Variants in IRS1 observed in about 807,000 individuals in gnomAD.
IRS1 encodes insulin receptor substrate 1.
Under a neutral mutation model 65.6 loss-of-function variants are expected in IRS1, and 34 were observed. The ratio of observed to expected loss-of-function variants is 0.52; its 90% confidence interval spans 0.39 to 0.69. IRS1 has a LOEUF of 0.69. Ranked by LOEUF, IRS1 falls within the 30% of genes least tolerant of loss-of-function variation. The pLI is 0.00. For synonymous variants in IRS1, 699 were observed against 683.5 expected (o/e 1.02, Z -0.35); for missense variants, 1,641 against 1,720.2 (o/e 0.95, Z 0.81).
rs1363643456 is a variant in IRS1 at position 226,734,586 on chromosome 2, T to G, written c.*1686A>C. 6.6e-6 allele frequency: 1 copy of G among 152,104 alleles called. No individual in the cohort carries two copies. The highest frequency in any genetic ancestry group is 1.5e-5 in the Non-Finnish European group (1 of 68,034). 9.4% of individuals were successfully genotyped at this position (152,104 alleles called of 1,614,324 possible). On this transcript the variant is annotated 3_prime_UTR_variant, in exon 2 of 2. Transcript: ENST00000305123. ...TAGTCCCCACTCCCACCCAGGGAGC[T>G]TAGGCGTTCAGAGAAATAAAATGTT...
chr2:226,780,549 T>C (rs1212937092), intron 1 of IRS1, among the ~76,000 whole-genome samples: 2 of 152,128 alleles, frequency 1.3e-5, no homozygotes. Flanking sequence ...ACAATTAACA[T>C]CAGAAGAACT....
chr2:226,791,627 C>T (rs1165780314), intron 1 of IRS1, among the ~76,000 whole-genome samples: 1 of 151,698 alleles, frequency 6.6e-6, no homozygotes, highest in African/African-American at 2.4e-5. Flanking sequence ...CAGAAAGCGG[C>T]CCAGGGACGC....
intron 1 of IRS1, among the ~76,000 whole-genome samples, chr2:226,741,136 C>T (rs1311183911): frequency 1.3e-5 from 2 of 152,150 alleles, no homozygotes; most frequent in Admixed American, 1.3e-4. Context: ...TCACAATCTA[C>T]TTAAAGGATT....
At chr2:226,792,591 A>T (rs780254241) in intron 1 of IRS1, among the ~76,000 whole-genome samples, 37 of 152,318 alleles carry the variant, frequency 2.4e-4, no homozygotes, top group Non-Finnish European at 4.6e-4. Flanking sequence ...TCAGTGCTTC[A>T]CAAGTGTTCT....
At chr2:226,757,691 A>ATGTAG (rs1204960116) in intron 1 of IRS1, among the ~76,000 whole-genome samples, 3 of 152,218 alleles carry the variant, frequency 2.0e-5, no homozygotes, top group Non-Finnish European at 4.4e-5. Context: ...ATCTGAAAAT[A>ATGTAG]TGTAGTTTTC....
chr2:226,768,789 A>G (rs1463802607), intron 1 of IRS1, among the ~76,000 whole-genome samples: 1 of 151,922 alleles, frequency 6.6e-6, no homozygotes, highest in Non-Finnish European at 1.5e-5. Flanking sequence ...GGCGCCCCCC[A>G]CCACGCCCGG....
intron 1 of IRS1, among the ~76,000 whole-genome samples, chr2:226,788,613 A>C (rs923459031): frequency 6.6e-6 from 1 of 152,140 alleles, no homozygotes. Flanking sequence ...CCTTTTTGTG[A>C]ATTAAGAATG....
chr2:226,798,389 G>C lies in IRS1; in HGVS notation c.350C>G (p.Ala117Gly). ...YQALLQLHNR[A>G]KGHHDGAAAL... ...CGCAGCTCCGTCGTGGTGGCCCTTA[G>C]CACGGTTGTGCAGCTGTAGGAGAGC... The change falls in exon 1 of 2, where the codon GCT becomes GGT. Residue 117 changes from alanine to glycine, a missense_variant. Ala to Gly is a moderately conservative substitution (Grantham distance 60, BLOSUM62 0). This residue lies in a region of IRS1 where 240 missense variants were observed against 229.6 expected (regional missense o/e 1.05). Coordinates refer to ENST00000305123, the MANE Select transcript of IRS1 (RefSeq NM_005544.3). This position sits in a 1 kb window ranked among gnomAD's most constrained non-coding sequence, Gnocchi z 9.4. 6.2e-7 allele frequency: 1 copy of C among 1,613,998 alleles called. No homozygotes were observed. The highest frequency in any genetic ancestry group is 8.5e-7 in the Non-Finnish European group (1 of 1,180,006).
chr2:226,772,795 T>G (rs1939189514), intron 1 of IRS1, among the ~76,000 whole-genome samples: 1 of 152,178 alleles, frequency 6.6e-6, no homozygotes, highest in South Asian at 2.1e-4. Context: ...TAAGGATATT[T>G]ACACAGGAAG....
At chr2:226,787,137 G>A (rs1293384631) in intron 1 of IRS1, among the ~76,000 whole-genome samples, 2 of 151,966 alleles carry the variant, frequency 1.3e-5, no homozygotes, top group Non-Finnish European at 2.9e-5. Flanking sequence ...TTTAACAGCT[G>A]GATGCCTCTT....
Position 226,796,238 on chromosome 2 carries a change from T to C in IRS1, c.2501A>G (p.His834Arg). The C allele has an allele frequency of 6.2e-7, 1 of 1,613,448 alleles. No individual in the cohort carries two copies. Among genetic ancestry groups the C allele is most frequent in the African/African-American group, 1.3e-5 (1 of 75,050 alleles). ...AGGCAGATGGGGCTGCAGAACCTGA[T>C]GGTGGGGATGTGGAAGGCTGGGCTC... ...RLEPSLPHPH[H>R]QVLQPHLPRK... The change falls in exon 1 of 2, where the codon CAT (histidine) becomes CGT (arginine). Residue 834 changes from histidine (H) to arginine (R), a missense_variant. By Grantham distance (29) the His-to-Arg change is conservative (BLOSUM62 0). Transcript: ENST00000305123.
rs1358323033 is a variant in IRS1, at chr2:226,796,594, T to G, written c.2145A>C (p.Lys715Asn). Residue 715 changes from lysine (K) to asparagine (N), a missense_variant, in exon 1 of 2, where the codon AAA (lysine) becomes AAC (asparagine). Physicochemically the swap from Lys to Asn is moderately conservative, Grantham distance 94. Around this residue, in one of 3 missense-constraint regions of IRS1, gnomAD observed 1,324 missense variants for 1,361.0 expected, o/e 0.97. Transcript: ENST00000305123. The stretch of plus-strand genomic sequence containing the variant: ...TACCACCGCTGCTCTCCACTGGGGG[T>G]TTGGGGTGAGGCAAGACATGAGAGT... ...GHHSHVLPHP[K>N]PPVESSGGKL... 1 of 1,613,620 alleles carries G rather than the reference T, an allele frequency of 6.2e-7. No homozygotes were observed. Among genetic ancestry groups the G allele is most frequent in the Non-Finnish European group, 8.5e-7 (1 of 1,179,854 alleles).
chr2:226,796,178 C>A lies in IRS1; in HGVS notation c.2561G>T (p.Arg854Leu), dbSNP rs13306470. The stretch of plus-strand genomic sequence containing the variant: ...GGACAGCCTCGTGGGCCGGGCCAGG[C>A]GGCTATTGGTCTGAGCAGCTGTGTC... ...KVDTAAQTNSRLARPTRLSLG... is the reference protein window; with the variant it reads ...KVDTAAQTNSLLARPTRLSLG... The change falls in exon 1 of 2, where the codon CGC (arginine) becomes CTC (leucine). Residue 854 changes from arginine to leucine, a missense_variant. Physicochemically the swap from Arg to Leu is moderately radical, Grantham distance 102. Coordinates refer to ENST00000305123, the MANE Select transcript of IRS1 (RefSeq NM_005544.3). 9 of 1,613,562 alleles carry A rather than the reference C, an allele frequency of 5.6e-6. No homozygotes were observed. Among genetic ancestry groups the A allele is most frequent in the African/African-American group, 1.3e-5 (1 of 74,932 alleles).
Position 226,798,807 on chromosome 2 carries a change from C to A in IRS1, c.-69G>T. 2 of 1,557,548 alleles carry A rather than the reference C, an allele frequency of 1.3e-6. No homozygotes were observed. The highest frequency in any genetic ancestry group is 1.7e-6 in the Non-Finnish European group (2 of 1,151,982). On this transcript the variant is annotated 5_prime_UTR_variant, in exon 1 of 2. Transcript: ENST00000305123. This position sits in a 1 kb window ranked among gnomAD's most constrained non-coding sequence, Gnocchi z 9.4. The stretch of plus-strand genomic sequence containing the variant: ...AAAACAACCGGGTGGGGGGCGGAGG[C>A]TCCTCGCCGCGGCCCGGCACATGCA...
chr2:226,739,051 T>A (rs1484563374), intron 1 of IRS1, among the ~76,000 whole-genome samples: 1 of 152,150 alleles, frequency 6.6e-6, no homozygotes, highest in African/African-American at 2.4e-5. Flanking sequence ...GTGGCTTCAC[T>A]GGGTGCTGAA....
At position 226,796,211 on chromosome 2, in the gene IRS1, C is replaced by G. The variant is rs200297617; in HGVS notation, c.2528G>C (p.Arg843Pro). ...GGTCTGAGCAGCTGTGTCCACCTTT[C>G]GAGGCAGATGGGGCTGCAGAACCTG... ...HHQVLQPHLP[R>P]KVDTAAQTNS... The change falls in exon 1 of 2, where the codon CGA (arginine) becomes CCA (proline). Residue 843 changes from arginine (R) to proline (P), a missense_variant. Physicochemically the swap from Arg to Pro is moderately radical, Grantham distance 103 (BLOSUM62 -2). Transcript: ENST00000305123. The G allele has an allele frequency of 6.2e-7, 1 of 1,613,302 alleles. No individual in the cohort carries two copies. Among genetic ancestry groups the G allele is most frequent in the South Asian group, 1.1e-5 (1 of 91,072 alleles).
chr2:226,763,292 G>A (rs998157621), intron 1 of IRS1, among the ~76,000 whole-genome samples: 1 of 152,000 alleles, frequency 6.6e-6, no homozygotes, highest in Non-Finnish European at 1.5e-5. Flanking sequence ...CATTTTTGGG[G>A]TTTTTCTTTT....
chr2:226,778,191 T>C (rs1378385479), intron 1 of IRS1, among the ~76,000 whole-genome samples: 1 of 152,184 alleles, frequency 6.6e-6, no homozygotes, highest in Admixed American at 6.5e-5. Flanking sequence ...TTACAGTATA[T>C]TTCTATAATT....
At chr2:226,769,525 A>T (rs1165163341) in intron 1 of IRS1, among the ~76,000 whole-genome samples, 1 of 152,202 alleles carries the variant, frequency 6.6e-6, no homozygotes, top group Non-Finnish European at 1.5e-5. Flanking sequence ...CCAACCAGAC[A>T]TGGATGGAAG....
Sources: gnomAD v4.1 joint callset for allele counts (sites outside exome capture counted in the v4.1 genomes callset) on GRCh38, gnomAD v4.1.1 for gene constraint, gnomAD v4.1.1 regional missense constraint, Gnocchi (gnomAD v3.1) non-coding constraint, MANE v1.5 for transcripts, NCBI Gene and HGNC (gene_info 2026-07-23, HGNC 2026-07-21) for gene names.